Variants in NPY1R observed in about 807,000 individuals in gnomAD.
NPY1R encodes the protein neuropeptide Y receptor type 1.
A neutral mutation model predicts 24.1 loss-of-function variants in NPY1R; 10 were observed. The observed-to-expected ratio is 0.42, with a 90% CI of 0.26 to 0.71. The LOEUF (loss-of-function observed/expected upper bound fraction) is 0.71, where lower values mean the gene tolerates loss of function less well. Among genes scored for constraint, NPY1R ranks in the 30% least tolerant of loss-of-function variants. NPY1R has a pLI of 0.28. For synonymous variants in NPY1R, 168 were observed against 165.9 expected, an observed-to-expected ratio of 1.01 and a Z score of -0.10; for missense variants, 350 against 458.0, an observed-to-expected ratio of 0.76 and a Z score of 2.15.
chr4:163,342,267 A>C (rs1735005032), intron 1 of NPY1R, among the ~76,000 whole-genome samples: 1 of 152,254 alleles, frequency 6.6e-6, no homozygotes, highest in Non-Finnish European at 1.5e-5. Context: ...TGTAGCATAG[A>C]CTAGTGTTTT....
In NPY1R at chr4:163,326,487, G is replaced by A; in HGVS notation, c.68C>T (p.Ala23Val). ...ATCATTTTCAAAAGCCAGAAGCTGG[G>A]CATTCTTCTCTGAGAAATTAGAGTG... The part of the protein sequence containing the change: ...SVHSNFSEKN[A>V]QLLAFENDDC... Residue 23 changes from alanine (A) to valine (V), a missense_variant, in exon 2 of 3, where the codon GCC (alanine) becomes GTC (valine). By Grantham distance (64) the Ala-to-Val change is moderately conservative. Transcript: ENST00000296533. 1 of 1,613,180 alleles carries A rather than the reference G, an allele frequency of 6.2e-7. No homozygotes were observed.
chr4:163,337,691 AAAC>A (rs1734874677), upstream of NPY1R, among the ~76,000 whole-genome samples: 1 of 152,190 alleles, frequency 6.6e-6, no homozygotes. Flanking sequence ...AAGGTTTATT[AAAC>A]AACAATAAAA....
At chr4:163,344,096 G>C (rs551891193) in intron 1 of NPY1R, 1 of 152,352 alleles carries the variant, frequency 6.6e-6, no homozygotes, top group South Asian at 2.1e-4. Flanking sequence ...GCGAGTCTGC[G>C]CAGGTCCCTG....
chr4:163,340,310 A>G lies in NPY1R; in HGVS notation c.-152+3995T>C, dbSNP rs564090772. Among the ~76,000 whole-genome samples, 6 of 133,194 alleles carry G rather than the reference A, an allele frequency of 4.5e-5. No homozygotes were observed. In the East Asian group the frequency reaches 1.3e-3, roughly 28 times the overall value. 87.4% of individuals were successfully genotyped at this position (133,194 alleles called of 152,430 possible). A position where few individuals can be genotyped will look rare whatever the true frequency, so the allele number is the denominator to read the frequency against. On this transcript the variant is annotated intron_variant, in intron 1 of 1. Transcript: ENST00000511901. The stretch of plus-strand genomic sequence containing the variant: ...AGGAATCCATGCTCTCTTCTTGTAC[A>G]TATATATATATATATATTTGTGCTG...
At chr4:163,330,267 G>C (rs1734698045) in intron 1 of NPY1R, among the ~76,000 whole-genome samples, 1 of 152,194 alleles carries the variant, frequency 6.6e-6, no homozygotes, top group South Asian at 2.1e-4. Context: ...TAAACGTACT[G>C]AAGCTCTAGC....
chr4:163,342,156 T>C (rs1735001880), intron 1 of NPY1R, among the ~76,000 whole-genome samples: 1 of 152,208 alleles, frequency 6.6e-6, no homozygotes, highest in Non-Finnish European at 1.5e-5. Flanking sequence ...AATACTCTAA[T>C]AACAGTGACT....
upstream of NPY1R, among the ~76,000 whole-genome samples, chr4:163,333,844 T>C (rs556146350): frequency 5.3e-5 from 8 of 152,326 alleles, no homozygotes; most frequent in Admixed American, 1.3e-4. Context: ...GACATATTTT[T>C]ATATAGTTGG....
chr4:163,337,716 C>T (rs1260133215), upstream of NPY1R, among the ~76,000 whole-genome samples: 3 of 152,168 alleles, frequency 2.0e-5, no homozygotes, highest in Non-Finnish European at 4.4e-5. Context: ...AACTATAATA[C>T]CTGTTTAGTC....
At chr4:163,338,699 C>T (rs540363970) in intron 1 of NPY1R, among the ~76,000 whole-genome samples, 1 of 152,290 alleles carries the variant, frequency 6.6e-6, no homozygotes, top group South Asian at 2.1e-4. Context: ...CAATCTTAAT[C>T]TTCTCCTTTT....
In NPY1R at chr4:163,338,206, C is replaced by T. The variant is rs78555651; in HGVS notation, c.-152+6099G>A. Among the ~76,000 whole-genome samples the T allele has an allele frequency of 8.9e-4, 135 of 152,230 alleles. 1 individual carries two copies. Among genetic ancestry groups the T allele is most frequent in the Non-Finnish European group, 1.7e-3 (114 of 68,012 alleles). On this transcript the variant is annotated intron_variant, in intron 1 of 1. Coordinates refer to the NPY1R transcript ENST00000511901. The stretch of plus-strand genomic sequence containing the variant: ...ATGGGTGATGGCCTAAAATGGTCCC[C>T]ATACTGTTTGCTTCTTCACAGCAGG...
intron 1 of NPY1R, among the ~76,000 whole-genome samples, chr4:163,329,186 C>T (rs977271067): frequency 1.3e-5 from 2 of 152,088 alleles, no homozygotes; most frequent in Non-Finnish European, 2.9e-5. Flanking sequence ...CATGGTTTTA[C>T]TGGAGATAAT....
At chr4:163,334,818 C>T (rs928141443), upstream of NPY1R, among the ~76,000 whole-genome samples, 4 of 143,756 alleles carry the variant, frequency 2.8e-5, no homozygotes, top group East Asian at 2.0e-4. Flanking sequence ...CGAGATCGCA[C>T]GACTGCACTC....
chr4:163,342,375 T>A (rs984116368), intron 1 of NPY1R, among the ~76,000 whole-genome samples: 6 of 152,070 alleles, frequency 3.9e-5, no homozygotes, highest in African/African-American at 1.4e-4. Context: ...AGATAGAAAT[T>A]TATGTGGCAA....
chr4:163,343,011 C>T lies in NPY1R; in HGVS notation c.-152+1294G>A, dbSNP rs1338440343. Among the ~76,000 whole-genome samples the T allele has an allele frequency of 7.4e-4, 112 of 150,848 alleles. 2 individuals are homozygous for T. The highest frequency in any genetic ancestry group is 2.7e-3 in the African/African-American group (110 of 41,110). The stretch of plus-strand genomic sequence containing the variant: ...ACACACACACACACACACACACACA[C>T]ACACACACGCGCGCGCGCCTAAAGT... On this transcript the variant is annotated intron_variant, in intron 1 of 1. Transcript: ENST00000511901.
In NPY1R at chr4:163,325,568, T is replaced by C. The variant is rs764292344; in HGVS notation, c.890A>G (p.Asn297Ser). ...GCAGAGCAGGAATAACAGATTGTGG[T>C]TGCAGGTAGCAATGATCTGATGATT... ...DWNHQIIATC[N>S]HNLLFLLCHL... is the part of the protein sequence containing the mutation. The change falls in exon 3 of 3, where the codon AAC becomes AGC. Residue 297 changes from asparagine (N) to serine (S), a missense_variant. By Grantham distance (46) the Asn-to-Ser change is conservative. Coordinates refer to ENST00000296533, the MANE Select transcript of NPY1R (RefSeq NM_000909.6). 27 of 1,613,932 alleles carry C rather than the reference T, an allele frequency of 1.7e-5. No homozygotes were observed. The Admixed American group carries it at 4.5e-4, about 27-fold the overall frequency.
chr4:163,337,554 G>A (rs1340738381), upstream of NPY1R, among the ~76,000 whole-genome samples: 1 of 152,120 alleles, frequency 6.6e-6, no homozygotes, highest in Non-Finnish European at 1.5e-5. Context: ...TCCCGCTGAG[G>A]TTTCCCAGCC....
exon 1 of NPY1R, chr4:163,344,575 G>A (rs1490874551): frequency 6.6e-6 from 1 of 152,278 alleles, no homozygotes; most frequent in Non-Finnish European, 1.5e-5. Context: ...GCGCTGACCC[G>A]AGCCCGGGAG....
Position 163,325,566 on chromosome 4 carries a change from G to T in NPY1R, c.892C>A (p.His298Asn). 2 of 1,614,022 alleles carry T rather than the reference G, an allele frequency of 1.2e-6. No individual in the cohort carries two copies. Among genetic ancestry groups the T allele is most frequent in the Non-Finnish European group, 1.7e-6 (2 of 1,179,974 alleles). The change falls in exon 3 of 3, where the codon CAC (histidine) becomes AAC (asparagine). Residue 298 changes from histidine to asparagine, a missense_variant. Coordinates refer to ENST00000296533, the MANE Select transcript of NPY1R (RefSeq NM_000909.6). ...TGGCAGAGCAGGAATAACAGATTGT[G>T]GTTGCAGGTAGCAATGATCTGATGA... ...WNHQIIATCN[H>N]NLLFLLCHLT...
At chr4:163,335,769 C>T (rs1023295377), upstream of NPY1R, among the ~76,000 whole-genome samples, 9 of 151,742 alleles carry the variant, frequency 5.9e-5, no homozygotes, top group South Asian at 4.2e-4. Context: ...GGATCTTTGA[C>T]GCCCAAGAAT....
Sources: allele counts gnomAD v4.1 joint callset (sites outside exome capture counted in the v4.1 genomes callset), GRCh38; gene constraint gnomAD v4.1.1; transcripts MANE v1.5; gene names NCBI Gene and HGNC (gene_info 2026-07-23, HGNC 2026-07-21).